The following REPS2 variants were observed in gnomAD, a reference collection of about 807,000 sequenced individuals.
The protein encoded by REPS2 is ralBP1-associated Eps domain-containing protein 2.
A neutral mutation model predicts 53.6 loss-of-function variants in REPS2; 23 were observed. The ratio of observed to expected loss-of-function variants is 0.43; its 90% CI spans 0.31 to 0.61. The LOEUF (loss-of-function observed/expected upper bound fraction) is 0.61. Ranked by LOEUF, REPS2 falls within the 20% of genes least tolerant of loss-of-function variation. The pLI, the probability that REPS2 is intolerant of heterozygous loss-of-function variation, is 0.11. For missense variants in REPS2, 446 were observed against 534.9 expected (o/e 0.83, Z 1.64); for synonymous variants, 238 against 218.6 (o/e 1.09, Z -0.78).
At chrX:17,057,805 A>G (rs2062093801) in intron 8 of REPS2, among the ~76,000 whole-genome samples, 1 of 113,083 alleles carries the variant, frequency 8.8e-6, no homozygotes, top group Non-Finnish European at 1.9e-5. Context: ...CTTGACGCCT[A>G]CATGGCTCTC....
intron 13 of REPS2, among the ~76,000 whole-genome samples, chrX:17,088,588 C>CTT (rs137985831): frequency 6.4e-5 from 6 of 94,112 alleles, no homozygotes; most frequent in African/African-American, 1.2e-4. Context: ...TCTTTCTTTC[C>CTT]TTTTTTTTTT....
At chrX:17,184,094 TG>T in the REPS2 span, among the ~76,000 whole-genome samples, 2 of 109,088 alleles carry the variant, frequency 1.8e-5, no homozygotes, top group African/African-American at 6.7e-5. Context: ...TAGTTACATA[TG>T]TATACATGTG....
chrX:17,012,578 C>T (rs1441941651), intron 2 of REPS2, among the ~76,000 whole-genome samples: 3 of 109,785 alleles, frequency 2.7e-5, no homozygotes, highest in East Asian at 2.9e-4. Context: ...TGACAGACCC[C>T]GTGATTTCTT....
chrX:17,060,405 A>G (rs1159851155), intron 8 of REPS2, among the ~76,000 whole-genome samples: 1 of 112,078 alleles, frequency 8.9e-6, no homozygotes, highest in Non-Finnish European at 1.9e-5. Flanking sequence ...TTGTTAAAAA[A>G]TACCTATGGA....
chrX:16,991,632 T>C (rs2061164767), intron 1 of REPS2, among the ~76,000 whole-genome samples: 1 of 111,049 alleles, frequency 9.0e-6, no homozygotes, highest in South Asian at 3.8e-4. Flanking sequence ...TCAGGTGAGG[T>C]TATACCGGAG....
chrX:16,978,602 G>A, intron 1 of REPS2: 1 of 744,088 alleles, frequency 1.3e-6, no homozygotes, highest in Non-Finnish European at 1.6e-6. Context: ...AGTGGTGAAG[G>A]TAAGGCTTGG....
At chrX:17,028,257 C>T (rs1049313338) in intron 4 of REPS2, among the ~76,000 whole-genome samples, 15 of 111,512 alleles carry the variant, frequency 1.3e-4, no homozygotes, top group African/African-American at 4.6e-4. Context: ...CTGCTAGCAC[C>T]CCAACCATGC....
At chrX:17,112,389 A>G (rs900562521) in intron 14 of REPS2, among the ~76,000 whole-genome samples, 3 of 112,213 alleles carry the variant, frequency 2.7e-5, no homozygotes, top group African/African-American at 6.5e-5. Context: ...TTGATATAAC[A>G]TAACTATAGA....
At chrX:16,972,455 A>G (rs756798962) in intron 1 of REPS2, among the ~76,000 whole-genome samples, 8 of 112,017 alleles carry the variant, frequency 7.1e-5, no homozygotes, top group Non-Finnish European at 1.5e-4. Flanking sequence ...ACTGCATCAT[A>G]TCTTATTTGG....
At chrX:17,018,164 T>C (rs2061523473) in intron 2 of REPS2, among the ~76,000 whole-genome samples, 1 of 110,499 alleles carries the variant, frequency 9.0e-6, no homozygotes, top group Non-Finnish European at 1.9e-5. Context: ...TCTGTATTCA[T>C]TAAACACCTT....
intron 1 of REPS2, among the ~76,000 whole-genome samples, chrX:16,993,126 T>C (rs921318719): frequency 8.9e-6 from 1 of 111,952 alleles, no homozygotes; most frequent in Non-Finnish European, 1.9e-5. Flanking sequence ...GGCTCAGCAC[T>C]GTGTGTTTAT....
the REPS2 span, among the ~76,000 whole-genome samples, chrX:17,195,239 C>A: frequency 2.7e-5 from 3 of 112,426 alleles, no homozygotes; most frequent in Admixed American, 9.4e-5. Flanking sequence ...CCACACAAAG[C>A]TGTTGTTGAC....
At chrX:17,034,101 C>T (rs1163042312) in intron 5 of REPS2, among the ~76,000 whole-genome samples, 1 of 110,877 alleles carries the variant, frequency 9.0e-6, no homozygotes, top group African/African-American at 3.3e-5. Flanking sequence ...AGAAAAAGAT[C>T]TATTGCTTGT....
intron 1 of REPS2, among the ~76,000 whole-genome samples, chrX:16,982,464 A>G (rs1194838289): frequency 8.9e-6 from 1 of 112,150 alleles, no homozygotes; most frequent in African/African-American, 3.2e-5. Flanking sequence ...AATCAGTGTT[A>G]AAGTGGAGAG....
intron 1 of REPS2, among the ~76,000 whole-genome samples, chrX:16,969,937 C>T (rs1237340320): frequency 8.9e-6 from 1 of 112,358 alleles, no homozygotes; most frequent in African/African-American, 3.2e-5. Context: ...TTATAACCCT[C>T]TATTTATTAT....
intron 2 of REPS2, among the ~76,000 whole-genome samples, chrX:17,012,035 G>T (rs1363703183): frequency 9.2e-6 from 1 of 108,836 alleles, no homozygotes; most frequent in African/African-American, 3.4e-5. Context: ...GCATCTAACA[G>T]TGTTTGAAAT....
At chrX:17,004,413 C>CTTTTTT (rs5901599) in intron 1 of REPS2, among the ~76,000 whole-genome samples, 2 of 79,876 alleles carry the variant, frequency 2.5e-5, no homozygotes, top group Non-Finnish European at 2.4e-5. Flanking sequence ...CAGAACTAAC[C>CTTTTTT]TTTTTTTTTT....
chrX:17,029,744 CA>C, intron 5 of REPS2, 121 bp downstream of exon 5: 2 of 458,006 alleles, frequency 4.4e-6, no homozygotes, highest in Non-Finnish European at 7.5e-6. Context: ...ATCCTTCATG[CA>C]AATATTGCAT....
the REPS2 span, among the ~76,000 whole-genome samples, chrX:17,174,284 G>A: frequency 1.8e-5 from 2 of 111,826 alleles, no homozygotes; most frequent in Admixed American, 9.5e-5. Flanking sequence ...ACACTACCTC[G>A]CGTACATCAA....
Sources: allele counts gnomAD v4.1 joint callset (sites outside exome capture counted in the v4.1 genomes callset), GRCh38; gene constraint gnomAD v4.1.1; transcripts MANE v1.5; gene names NCBI Gene and HGNC (gene_info 2026-07-23, HGNC 2026-07-21).